The following KANK4 variants were observed in gnomAD, a reference collection of about 807,000 sequenced individuals.
The protein encoded by KANK4 is KN motif and ankyrin repeat domains 4, also known as KN motif and ankyrin repeat domain-containing protein 4.
Under a neutral mutation model 80.8 loss-of-function variants are expected in KANK4, and 50 were observed. The ratio of observed to expected loss-of-function variants is 0.62; its 90% confidence interval spans 0.49 to 0.78. The LOEUF (loss-of-function observed/expected upper bound fraction) is 0.78. Ranked by LOEUF, KANK4 falls within the 30% of genes least tolerant of loss-of-function variation. The probability of loss-of-function intolerance (pLI) is 0.00; values close to 1 mark genes in which losing one functional copy is unlikely to be tolerated. For synonymous variants in KANK4, 465 were observed against 506.9 expected, an observed-to-expected ratio of 0.92 and a Z score of 1.11; for missense variants, 1,196 against 1,240.1, an observed-to-expected ratio of 0.96 and a Z score of 0.53.
intron 3 of KANK4, 74 bp from the exon 4 acceptor site, chr1:62,271,663 T>A: frequency 9.2e-7 from 1 of 1,089,476 alleles, no homozygotes; most frequent in East Asian, 2.4e-5. Flanking sequence ...AGGATATTGC[T>A]TTGAGGGGAC....
chr1:62,257,244 C>T (rs578009032), intron 7 of KANK4, among the ~76,000 whole-genome samples: 5 of 152,104 alleles, frequency 3.3e-5, no homozygotes, highest in East Asian at 3.9e-4. Flanking sequence ...TGCGCCACCA[C>T]GCCCGGCTCA....
intron 9 of KANK4, among the ~76,000 whole-genome samples, chr1:62,240,043 G>C (rs1378731380): frequency 3.9e-5 from 6 of 152,126 alleles, no homozygotes; most frequent in Non-Finnish European, 5.9e-5. Flanking sequence ...AATGGGATGG[G>C]TGGGTCAAAT....
At chr1:62,289,029 C>T (rs1672627404) in intron 1 of KANK4, among the ~76,000 whole-genome samples, 1 of 152,124 alleles carries the variant, frequency 6.6e-6, no homozygotes, top group African/African-American at 2.4e-5. Context: ...GCATCCTATT[C>T]CCAAAAAAAC....
intron 9 of KANK4, among the ~76,000 whole-genome samples, chr1:62,239,259 C>A (rs2149111247): frequency 6.6e-6 from 1 of 152,166 alleles, no homozygotes; most frequent in East Asian, 1.9e-4. Context: ...TGTATACCAA[C>A]TTTGAATTTG....
chr1:62,265,723 A>AGCT (rs1403827732), intron 6 of KANK4, among the ~76,000 whole-genome samples: 2 of 152,236 alleles, frequency 1.3e-5, no homozygotes, highest in Non-Finnish European at 2.9e-5. Context: ...TGGGTCTTAC[A>AGCT]GCTGCTCTCA....
At chr1:62,242,146 G>A (rs553203558) in intron 9 of KANK4, among the ~76,000 whole-genome samples, 1 of 149,498 alleles carries the variant, frequency 6.7e-6, no homozygotes, top group African/African-American at 2.4e-5. Flanking sequence ...CCCGACTGAA[G>A]AGATGGGGAA....
chr1:62,268,624 CTCTCTACA>C, intron 4 of KANK4, 119 bp from the exon 5 acceptor site: 2 of 741,920 alleles, frequency 2.7e-6, no homozygotes, highest in East Asian at 5.3e-5. Flanking sequence ...TCCTCCCCCA[CTCTCTACA>C]CCTGCCGGCA....
chr1:62,267,102 G>A (rs997356886), intron 5 of KANK4, among the ~76,000 whole-genome samples: 1 of 152,082 alleles, frequency 6.6e-6, no homozygotes, highest in Non-Finnish European at 1.5e-5. Flanking sequence ...GGGGGGTCGT[G>A]GTAGGGGGTG....
chr1:62,296,146 A>T (rs566864534), intron 1 of KANK4, among the ~76,000 whole-genome samples: 2 of 152,248 alleles, frequency 1.3e-5, no homozygotes, highest in Non-Finnish European at 2.9e-5. Context: ...TCTAGAGAAA[A>T]TACCAAACGG....
chr1:62,316,636 G>A (rs1644542523), intron 1 of KANK4, among the ~76,000 whole-genome samples: 1 of 152,184 alleles, frequency 6.6e-6, no homozygotes, highest in Admixed American at 6.5e-5. Flanking sequence ...TTGTATGCAA[G>A]ATATTTTAGG....
At chr1:62,309,819 G>T (rs1644483330) in intron 1 of KANK4, among the ~76,000 whole-genome samples, 1 of 152,160 alleles carries the variant, frequency 6.6e-6, no homozygotes, top group Admixed American at 6.5e-5. Context: ...TTTAACAAGA[G>T]CTGCCTGGAG....
intron 1 of KANK4, among the ~76,000 whole-genome samples, chr1:62,306,589 A>T (rs529068337): frequency 6.6e-6 from 1 of 152,038 alleles, no homozygotes; most frequent in South Asian, 2.1e-4. Context: ...TATTATTATC[A>T]TTTTTTAAAC....
intron 9 of KANK4, among the ~76,000 whole-genome samples, chr1:62,244,371 T>A (rs1177903314): frequency 6.6e-6 from 1 of 152,050 alleles, no homozygotes; most frequent in Non-Finnish European, 1.5e-5. Context: ...AATCTTTTTC[T>A]ATTTTCTGTA....
At chr1:62,287,046 G>A (rs1672585101) in intron 1 of KANK4, among the ~76,000 whole-genome samples, 1 of 152,222 alleles carries the variant, frequency 6.6e-6, no homozygotes, top group Non-Finnish European at 1.5e-5. Flanking sequence ...ACTCCGAGAG[G>A]CGGGGTGCAG....
At chr1:62,241,882 CA>C (rs1269884841) in intron 9 of KANK4, among the ~76,000 whole-genome samples, 1 of 152,180 alleles carries the variant, frequency 6.6e-6, no homozygotes, top group Non-Finnish European at 1.5e-5. Context: ...GGGCCAGTCC[CA>C]GGGGAGGTGC....
At position 62,237,348 on chromosome 1, in the gene KANK4, G is replaced by A. The variant is rs1054142052; in HGVS notation, c.*929C>T. On this transcript the variant is annotated 3_prime_UTR_variant, in exon 10 of 10. Coordinates refer to ENST00000371153, the MANE Select transcript of KANK4 (RefSeq NM_181712.5). ...TCAGAACAGATATTTGCTTCTAGGG[G>A]ATATGAGGGGAAAGCACCGGGAATT... is the stretch of plus-strand genomic sequence containing the variant. The A allele has an allele frequency of 3.3e-5, 5 of 152,110 alleles. No individual in the cohort carries two copies. Among genetic ancestry groups the A allele is most frequent in the African/African-American group, 1.2e-4 (5 of 41,400 alleles). 9.4% of individuals were successfully genotyped at this position (152,110 alleles called of 1,614,324 possible).
intron 1 of KANK4, 90 bp from the exon 2 acceptor site, chr1:62,281,724 T>C (rs777207558): frequency 9.7e-6 from 8 of 822,298 alleles, no homozygotes; most frequent in Admixed American, 1.9e-5. Flanking sequence ...GTAACATCCA[T>C]CCCTGCCTTT....
rs777791511 is a variant in KANK4, at chr1:62,268,442, G to C, written c.2076C>G (p.Asp692Glu). ...CGTCACACTTCTTCTCTGCCTCGCT[G>C]TCAGACAAGTCCTCTGGGGTGCTGT... ...GEDSTPEDLS[D>E]SEAEKKCDGP... Residue 692 changes from aspartate to glutamate, a missense_variant, in exon 5 of 10, where the codon GAC (aspartate) becomes GAG (glutamate). Physicochemically the swap from Asp to Glu is conservative, Grantham distance 45. Coordinates refer to ENST00000371153, the MANE Select transcript of KANK4 (RefSeq NM_181712.5). 1 of 1,613,900 alleles carries C rather than the reference G, an allele frequency of 6.2e-7. No individual in the cohort carries two copies. The highest frequency in any genetic ancestry group is 2.2e-5 in the East Asian group (1 of 44,872).
chr1:62,268,095 C>A (rs1281523244), intron 5 of KANK4, among the ~76,000 whole-genome samples, 192 bp downstream of exon 5: 3 of 152,144 alleles, frequency 2.0e-5, no homozygotes, highest in African/African-American at 7.2e-5. Flanking sequence ...TGTGACAGTA[C>A]ATTCCACGAA....
Sources: gnomAD v4.1 joint callset for allele counts (sites outside exome capture counted in the v4.1 genomes callset) on GRCh38, gnomAD v4.1.1 for gene constraint, MANE v1.5 for transcripts, NCBI Gene and HGNC (gene_info 2026-07-23, HGNC 2026-07-21) for gene names.